SAMD4A: variants seen among roughly 807,000 people sequenced by gnomAD.
SAMD4A encodes sterile alpha motif domain containing 4A.
A neutral mutation model predicts 81.3 loss-of-function variants in SAMD4A; 33 were observed. That is an observed-to-expected ratio of 0.41 (90% CI 0.31 to 0.54). The LOEUF (loss-of-function observed/expected upper bound fraction) is 0.54. Ranked by LOEUF, SAMD4A falls within the 20% of genes least tolerant of loss-of-function variation. The probability of loss-of-function intolerance (pLI) is 0.37; values close to 1 mark genes in which losing one functional copy is unlikely to be tolerated. For missense variants in SAMD4A, 854 were observed against 951.1 expected (o/e 0.90, Z 1.34); for synonymous variants, 389 against 382.1 (o/e 1.02, Z -0.21).
At chr14:54,640,371 GAC>G (rs2035146389) in intron 2 of SAMD4A, among the ~76,000 whole-genome samples, 1 of 152,072 alleles carries the variant, frequency 6.6e-6, no homozygotes, top group Non-Finnish European at 1.5e-5. Flanking sequence ...GGTCCCTATT[GAC>G]ACAGAATCAA....
intron 2 of SAMD4A, among the ~76,000 whole-genome samples, chr14:54,578,637 A>C (rs2033376652): frequency 6.6e-6 from 1 of 151,986 alleles, no homozygotes; most frequent in Non-Finnish European, 1.5e-5. Flanking sequence ...GCTTGAACCG[A>C]GGAGGCGGAG....
chr14:54,727,166 C>CTTTTTTTTTTT lies in SAMD4A; in HGVS notation c.716-9827_716-9817dup, dbSNP rs567831973. ...TTATCACAACAGCCTTCTTTTTTTC[C>CTTTTTTTTTTT]TTTTTTTTTTTTTTTTTTTTTTTTT... is the stretch of plus-strand genomic sequence containing the variant. On this transcript the variant is annotated intron_variant, in intron 3 of 12. Transcript: ENST00000554335. 1.6e-3 allele frequency among the ~76,000 whole-genome samples: 96 copies of CTTTTTTTTTTT among 59,184 alleles called. 32 individuals are homozygous for CTTTTTTTTTTT. Among genetic ancestry groups the CTTTTTTTTTTT allele is most frequent in the Non-Finnish European group, 2.5e-3 (75 of 29,778 alleles). The allele number at this position is 59,184 out of a possible 152,430, so 38.8% of individuals were successfully genotyped here.
chr14:54,576,112 C>T (rs1462805682), intron 2 of SAMD4A, among the ~76,000 whole-genome samples: 3 of 146,798 alleles, frequency 2.0e-5, no homozygotes, highest in Non-Finnish European at 4.5e-5. Flanking sequence ...TGGGAGAGTT[C>T]TCTTCCCCCT....
At chr14:54,647,185 AATGTTTGATACGTTATTATCATC>A (rs1320000150) in intron 2 of SAMD4A, among the ~76,000 whole-genome samples, 1 of 152,190 alleles carries the variant, frequency 6.6e-6, no homozygotes, top group Non-Finnish European at 1.5e-5. Flanking sequence ...AATAATTTTA[AATGTTTGATACGTTATTATCATC>A]ATCAACTAAT....
chr14:54,565,359 C>T (rs2032899496), upstream of SAMD4A, among the ~76,000 whole-genome samples: 1 of 152,272 alleles, frequency 6.6e-6, no homozygotes, highest in South Asian at 2.1e-4. This position sits in a 1 kb window ranked among gnomAD's most constrained non-coding sequence, Gnocchi z 5.4. Flanking sequence ...CCCGACCGGT[C>T]TCAGGAGTTC....
intron 3 of SAMD4A, among the ~76,000 whole-genome samples, chr14:54,712,206 T>C (rs1213574300): frequency 6.6e-6 from 1 of 152,066 alleles, no homozygotes. Flanking sequence ...GAGCCACTGT[T>C]GTAGTCTGGA....
At chr14:54,653,622 G>C (rs1264947232) in intron 2 of SAMD4A, among the ~76,000 whole-genome samples, 1 of 152,046 alleles carries the variant, frequency 6.6e-6, no homozygotes, top group African/African-American at 2.4e-5. Flanking sequence ...CTACACACAT[G>C]AGCCACCGTG....
chr14:54,652,081 TTTATC>T (rs757274154), intron 2 of SAMD4A, among the ~76,000 whole-genome samples: 7 of 152,238 alleles, frequency 4.6e-5, no homozygotes, highest in Non-Finnish European at 7.3e-5. Flanking sequence ...ACTTCTGCCC[TTTATC>T]TTAATTCCTA....
At chr14:54,719,372 G>C (rs2037204980) in intron 3 of SAMD4A, among the ~76,000 whole-genome samples, 1 of 152,144 alleles carries the variant, frequency 6.6e-6, no homozygotes, top group South Asian at 2.1e-4. Context: ...GGAGAAGTTT[G>C]CTTTTCTTCA....
chr14:54,760,521 T>TTTC lies in SAMD4A; in HGVS notation c.1510+32_1510+34dup, dbSNP rs10652983. The TTTC allele has an allele frequency of 2.0e-3, 2,765 of 1,382,452 alleles. 43 individuals carry two copies. In the African/African-American group the frequency reaches 0.038, roughly 19 times the overall value. The allele number at this position is 1,382,452 out of a possible 1,614,324, so 85.6% of individuals were successfully genotyped here. On this transcript the variant is annotated intron_variant, in intron 7 of 12. Transcript: ENST00000554335. Reference sequence around the variant, plus strand: ...TAGAGCCTCATTCGCCCATTTCTTTTTTCTTCTGGATACCACTAACCAGAG... The same window carrying TTTC: ...TAGAGCCTCATTCGCCCATTTCTTTTTTCTTCTTCTGGATACCACTAACCAGAG...
At chr14:54,595,780 G>T (rs953382955) in intron 2 of SAMD4A, among the ~76,000 whole-genome samples, 3 of 152,174 alleles carry the variant, frequency 2.0e-5, no homozygotes, top group Non-Finnish European at 4.4e-5. Context: ...TTTTAGGAAA[G>T]TGTAAGAAAA....
chr14:54,593,382 T>C (rs2033832601), intron 2 of SAMD4A, among the ~76,000 whole-genome samples: 1 of 152,234 alleles, frequency 6.6e-6, no homozygotes, highest in Non-Finnish European at 1.5e-5. Flanking sequence ...TATTTGTCAT[T>C]TTCTTTTCTC....
chr14:54,722,820 A>C lies in SAMD4A; in HGVS notation c.716-14204A>C, dbSNP rs74602473. Among the ~76,000 whole-genome samples, 256 of 152,338 alleles carry C rather than the reference A, an allele frequency of 1.7e-3. 1 individual carries two copies. The highest frequency in any genetic ancestry group is 6.0e-3 in the African/African-American group (249 of 41,592). The stretch of plus-strand genomic sequence containing the variant: ...TACCTATACCTTCCAGTCTTCTGAA[A>C]GTAATGTTCTTGGAGGAAGAGATCA... On this transcript the variant is annotated intron_variant, in intron 3 of 12. Transcript: ENST00000554335.
At chr14:54,626,371 C>T (rs2034765070) in intron 2 of SAMD4A, among the ~76,000 whole-genome samples, 1 of 152,060 alleles carries the variant, frequency 6.6e-6, no homozygotes, top group African/African-American at 2.4e-5. Flanking sequence ...ATGCTGTGAA[C>T]ATGGAGTAAG....
intron 2 of SAMD4A, among the ~76,000 whole-genome samples, chr14:54,671,849 G>A (rs368787358): frequency 3.2e-4 from 49 of 152,140 alleles, no homozygotes; most frequent in African/African-American, 9.9e-4. Context: ...GAAGAGGTGC[G>A]ACAGGGCCCT....
intron 2 of SAMD4A, among the ~76,000 whole-genome samples, chr14:54,659,008 AT>A (rs2035583399): frequency 6.6e-6 from 1 of 152,234 alleles, no homozygotes; most frequent in South Asian, 2.1e-4. Context: ...TAAATCAAGA[AT>A]GCCTGGCTCA....
intron 2 of SAMD4A, among the ~76,000 whole-genome samples, chr14:54,633,402 A>G (rs1229203847): frequency 6.6e-6 from 1 of 152,208 alleles, no homozygotes; most frequent in Non-Finnish European, 1.5e-5. Context: ...CAGGATTCAT[A>G]TAGACCCGAT....
chr14:54,644,382 G>T (rs1196146375), intron 2 of SAMD4A, among the ~76,000 whole-genome samples: 1 of 152,160 alleles, frequency 6.6e-6, no homozygotes, highest in East Asian at 1.9e-4. Flanking sequence ...ATGTTGACGG[G>T]TAATAGCTAA....
chr14:54,765,842 A>G (rs2038524604), intron 8 of SAMD4A, among the ~76,000 whole-genome samples: 1 of 152,020 alleles, frequency 6.6e-6, no homozygotes, highest in African/African-American at 2.4e-5. Flanking sequence ...CCCACACTTC[A>G]CATACAAGGG....
Sources: allele counts gnomAD v4.1 joint callset (sites outside exome capture counted in the v4.1 genomes callset), GRCh38; gene constraint gnomAD v4.1.1; non-coding constraint Gnocchi (gnomAD v3.1); transcripts MANE v1.5; gene names NCBI Gene and HGNC (gene_info 2026-07-23, HGNC 2026-07-21).